Variants in FBXO25 observed in about 807,000 individuals in gnomAD.
The protein encoded by FBXO25 is F-box protein 25.
In FBXO25, 45 loss-of-function variants were observed where a neutral mutation model predicts 51.9. That is an observed-to-expected ratio of 0.87 (90% confidence interval 0.68 to 1.11). The LOEUF is 1.11. Ranked by LOEUF, FBXO25 falls within the 50% of genes most tolerant of loss-of-function variation. FBXO25 has a pLI of 0.00. For missense variants in FBXO25, 507 were observed against 428.5 expected (o/e 1.18, Z -1.62); for synonymous variants, 199 against 151.0 (o/e 1.32, Z -2.33).
chr8:412,164 G>A (rs142296812), intron 1 of FBXO25, among the ~76,000 whole-genome samples: 8,914 of 152,132 alleles, frequency 0.059, 282 homozygotes, highest in Middle Eastern at 0.082. Flanking sequence ...CCTGGAGTCT[G>A]GTATTTCAAA....
intron 5 of FBXO25, among the ~76,000 whole-genome samples, chr8:442,404 C>G (rs954978577): frequency 6.7e-6 from 1 of 149,686 alleles, no homozygotes; most frequent in Non-Finnish European, 1.5e-5. Flanking sequence ...CTACAGGTTA[C>G]TTTTTTTTTT....
chr8:421,552 C>G (rs1289243241), intron 2 of FBXO25, among the ~76,000 whole-genome samples: 1 of 152,160 alleles, frequency 6.6e-6, no homozygotes, highest in Non-Finnish European at 1.5e-5. Flanking sequence ...CTAGAGTTAT[C>G]CTGTGGTTCT....
At chr8:408,618 T>C (rs1057156606) in intron 1 of FBXO25, among the ~76,000 whole-genome samples, 11 of 152,256 alleles carry the variant, frequency 7.2e-5, no homozygotes, top group African/African-American at 2.7e-4. Flanking sequence ...TAAGCTCTAA[T>C]AAATGTTTGC....
intron 1 of FBXO25, among the ~76,000 whole-genome samples, chr8:409,870 T>C (rs1455276127): frequency 6.6e-6 from 1 of 152,214 alleles, no homozygotes; most frequent in Non-Finnish European, 1.5e-5. Flanking sequence ...GAATAAAGTC[T>C]AAACACCTTT....
chr8:424,117 C>CTTT (rs1797326646), intron 2 of FBXO25, among the ~76,000 whole-genome samples: 3 of 134,358 alleles, frequency 2.2e-5, no homozygotes, highest in African/African-American at 9.0e-5. Context: ...GTCCTTTGCC[C>CTTT]ATTTTTTTTT....
At chr8:412,784 C>G (rs150871397) in intron 1 of FBXO25, among the ~76,000 whole-genome samples, 2,407 of 152,226 alleles carry the variant, frequency 0.016, 50 homozygotes, top group African/African-American at 0.056. Flanking sequence ...TTCCACACTC[C>G]CTGACCCCTG....
intron 2 of FBXO25, among the ~76,000 whole-genome samples, chr8:429,759 A>G (rs1444615236): frequency 6.6e-6 from 1 of 152,236 alleles, no homozygotes; most frequent in African/African-American, 2.4e-5. Flanking sequence ...AGACTCCCCA[A>G]GGCCCTAATG....
At chr8:442,956 A>C (rs1400063806) in intron 5 of FBXO25, among the ~76,000 whole-genome samples, 1 of 152,178 alleles carries the variant, frequency 6.6e-6, no homozygotes, top group East Asian at 1.9e-4. Flanking sequence ...AAAATGCCGG[A>C]TTAAAGTGTA....
chr8:409,319 A>G (rs1332610842), intron 1 of FBXO25, among the ~76,000 whole-genome samples: 8 of 152,202 alleles, frequency 5.3e-5, no homozygotes, highest in Admixed American at 2.6e-4. Context: ...ATCTTCAGAG[A>G]AACAAATCTT....
At chr8:461,937 T>G (rs761456579) in intron 8 of FBXO25, among the ~76,000 whole-genome samples, 1 of 152,236 alleles carries the variant, frequency 6.6e-6, no homozygotes, top group Non-Finnish European at 1.5e-5. Context: ...AGTTTGTGGC[T>G]TTTACAAATA....
intron 7 of FBXO25, among the ~76,000 whole-genome samples, chr8:454,615 G>A (rs1799298572): frequency 6.6e-6 from 1 of 152,198 alleles, no homozygotes; most frequent in Non-Finnish European, 1.5e-5. Context: ...GAATGGGCCG[G>A]GCGCGATGGC....
intron 9 of FBXO25, among the ~76,000 whole-genome samples, chr8:463,552 G>A (rs1370985032): frequency 6.6e-6 from 1 of 152,106 alleles, no homozygotes; most frequent in African/African-American, 2.4e-5. Flanking sequence ...GGCCCTTTAT[G>A]TCCCCACCGA....
rs1369897581 is a variant in FBXO25 at position 458,566 on chromosome 8, G to C, written c.843+15G>C. ...CTGAAAAGCAGGTGAGTGGGATGCAGCAGTCTCCCCTCAGGCTGGGAGTTT... is the reference window on the plus strand; with the variant it reads ...CTGAAAAGCAGGTGAGTGGGATGCACCAGTCTCCCCTCAGGCTGGGAGTTT... On this transcript the variant is annotated intron_variant, in intron 8 of 9. Transcript: ENST00000350302. The C allele has an allele frequency of 6.2e-7, 1 of 1,612,246 alleles. No homozygotes were observed. The highest frequency in any genetic ancestry group is 1.3e-5 in the African/African-American group (1 of 74,920).
intron 1 of FBXO25, among the ~76,000 whole-genome samples, chr8:409,098 C>G (rs1584989572): frequency 1.3e-5 from 2 of 152,312 alleles, no homozygotes; most frequent in Admixed American, 6.5e-5. Context: ...GATTTGCAAA[C>G]TCAGAAGCCT....
intron 9 of FBXO25, among the ~76,000 whole-genome samples, chr8:468,449 G>A (rs1439778794): frequency 6.6e-6 from 1 of 152,118 alleles, no homozygotes; most frequent in African/African-American, 2.4e-5. Flanking sequence ...TGGCTCCTCT[G>A]ACTCAGTACC....
intron 2 of FBXO25, among the ~76,000 whole-genome samples, chr8:424,590 G>T (rs1797356781): frequency 1.3e-5 from 2 of 152,192 alleles, no homozygotes; most frequent in Non-Finnish European, 2.9e-5. Flanking sequence ...TGGCTAGCCA[G>T]TTATTCCAAC....
chr8:459,800 A>C (rs932998607), intron 8 of FBXO25, among the ~76,000 whole-genome samples: 1 of 152,284 alleles, frequency 6.6e-6, no homozygotes, highest in Admixed American at 6.5e-5. Flanking sequence ...ACCAACCCCA[A>C]TGTTGAGGGA....
chr8:474,624 G>A lies in FBXO25; in HGVS notation c.*5820G>A, dbSNP rs1161743937. 2.4e-6 allele frequency: 1 copy of A among 419,030 alleles called. No individual in the cohort carries two copies. Among genetic ancestry groups the A allele is most frequent in the Non-Finnish European group, 4.7e-6 (1 of 212,710 alleles). 26.0% of individuals were successfully genotyped at this position (419,030 alleles called of 1,614,324 possible). On this transcript the variant is annotated 3_prime_UTR_variant, in exon 10 of 10. Transcript: ENST00000350302. ...AGATTTTGATTTGCATTTCCGTAAT[G>A]ACTGGTGATGCTGAGTATCTGTTTG...
intron 4 of FBXO25, among the ~76,000 whole-genome samples, chr8:434,689 C>G (rs1359587698): frequency 6.6e-6 from 1 of 152,096 alleles, no homozygotes; most frequent in South Asian, 2.1e-4. Context: ...TCTAGCTTAT[C>G]TCTACAACTT....
Sources: allele counts gnomAD v4.1 joint callset (sites outside exome capture counted in the v4.1 genomes callset), GRCh38; gene constraint gnomAD v4.1.1; transcripts MANE v1.5; gene names NCBI Gene and HGNC (gene_info 2026-07-23, HGNC 2026-07-21).